Variants in WDR70 observed in about 807,000 individuals in gnomAD.
WDR70 encodes WD repeat-containing protein 70.
A neutral mutation model predicts 88.6 loss-of-function variants in WDR70; 53 were observed. The observed-to-expected ratio is 0.60, with a 90% CI of 0.48 to 0.75. The LOEUF (loss-of-function observed/expected upper bound fraction) is 0.75, where lower values mean the gene tolerates loss of function less well. Ranked by LOEUF, WDR70 falls within the 30% of genes least tolerant of loss-of-function variation. The probability of loss-of-function intolerance (pLI) is 0.00; values close to 1 mark genes in which losing one functional copy is unlikely to be tolerated. For synonymous variants in WDR70, 280 were observed against 270.0 expected (o/e 1.04, Z -0.36); for missense variants, 610 against 823.2 (o/e 0.74, Z 3.17).
chr5:37,601,443 C>T (rs1208364452), intron 9 of WDR70, among the ~76,000 whole-genome samples: 3 of 152,100 alleles, frequency 2.0e-5, no homozygotes, highest in Non-Finnish European at 4.4e-5. Flanking sequence ...TGTGATGATT[C>T]TTGCATCTAT....
At chr5:37,588,050 A>C (rs571863697) in intron 9 of WDR70, among the ~76,000 whole-genome samples, 24 of 152,336 alleles carry the variant, frequency 1.6e-4, no homozygotes, top group African/African-American at 5.8e-4. Flanking sequence ...TGACTTAACC[A>C]AAGTTAATTG....
At chr5:37,650,236 A>G (rs1215451001) in intron 10 of WDR70, among the ~76,000 whole-genome samples, 1 of 151,210 alleles carries the variant, frequency 6.6e-6, no homozygotes, top group Non-Finnish European at 1.5e-5. Context: ...TCTCTACTAA[A>G]AATACAAAAA....
At chr5:37,443,945 T>C (rs1399485995) in intron 7 of WDR70, among the ~76,000 whole-genome samples, 4 of 151,932 alleles carry the variant, frequency 2.6e-5, no homozygotes, top group Non-Finnish European at 5.9e-5. Context: ...GGTCAGGAGT[T>C]CGAGACCAGC....
intron 8 of WDR70, among the ~76,000 whole-genome samples, chr5:37,499,188 A>G (rs998454982): frequency 6.0e-5 from 9 of 150,868 alleles, no homozygotes; most frequent in Non-Finnish European, 1.0e-4. Flanking sequence ...GTCTCGGCTC[A>G]CTGCAACCTC....
intron 8 of WDR70, among the ~76,000 whole-genome samples, chr5:37,511,604 A>G (rs746314157): frequency 3.9e-5 from 6 of 152,190 alleles, no homozygotes; most frequent in African/African-American, 1.4e-4. Context: ...TATTACTTCT[A>G]GACATTCTTA....
chr5:37,398,581 C>T (rs1456264601), intron 5 of WDR70, among the ~76,000 whole-genome samples: 1 of 152,124 alleles, frequency 6.6e-6, no homozygotes, highest in Admixed American at 6.5e-5. Context: ...TTGCGTCTGT[C>T]TGTAGTTGAT....
intron 10 of WDR70, among the ~76,000 whole-genome samples, chr5:37,621,407 A>G (rs1479441435): frequency 6.6e-6 from 1 of 152,138 alleles, no homozygotes; most frequent in Non-Finnish European, 1.5e-5. Flanking sequence ...CCAATTCTCT[A>G]GTTTCAAAAG....
In WDR70 at chr5:37,681,143, T is replaced by G. The variant is rs942360001; in HGVS notation, c.1093-16512T>G. Among the ~76,000 whole-genome samples the G allele has an allele frequency of 1.8e-4, 27 of 152,142 alleles. 1 individual carries two copies. The highest frequency in any genetic ancestry group is 1.6e-3 in the Admixed American group (25 of 15,278). ...CAGTTTTTTTTTGTAGTTTTCATTGTAGAGATCTTTCACCTCACTGGTTAG... is the reference window on the plus strand; with the variant it reads ...CAGTTTTTTTTTGTAGTTTTCATTGGAGAGATCTTTCACCTCACTGGTTAG... On this transcript the variant is annotated intron_variant, in intron 10 of 17. Coordinates refer to ENST00000265107, the MANE Select transcript of WDR70 (RefSeq NM_018034.4).
chr5:37,608,038 CTTTTTTTTTTT>C (rs11295618), intron 10 of WDR70, among the ~76,000 whole-genome samples: 3 of 100,622 alleles, frequency 3.0e-5, no homozygotes, highest in Non-Finnish European at 6.0e-5. Context: ...CTGCAACACT[CTTTTTTTTTTT>C]TTTTTTTTTT....
intron 17 of WDR70, among the ~76,000 whole-genome samples, chr5:37,746,946 C>G (rs1279303815): frequency 3.4e-4 from 52 of 152,088 alleles, no homozygotes; most frequent in Admixed American, 3.4e-3. Flanking sequence ...GATACCAAAA[C>G]CAGGAAGAGA....
chr5:37,516,676 TG>T, intron 9 of WDR70, 86 bp downstream of exon 9: 1 of 670,382 alleles, frequency 1.5e-6, no homozygotes, highest in African/African-American at 1.8e-5. Flanking sequence ...TTGGCAGTAA[TG>T]TAGTAAGTGG....
chr5:37,658,523 C>G (rs749913785), intron 10 of WDR70, among the ~76,000 whole-genome samples: 1 of 152,044 alleles, frequency 6.6e-6, no homozygotes, highest in Non-Finnish European at 1.5e-5. Context: ...TGGCAACCTT[C>G]TAGTTATCTT....
chr5:37,461,123 AAAT>A (rs1412702794), intron 7 of WDR70, among the ~76,000 whole-genome samples: 4,333 of 144,314 alleles, frequency 0.03, 180 homozygotes, highest in African/African-American at 0.11. Flanking sequence ...AAAAAAAAAA[AAAT>A]AAAGGGTTGT....
At chr5:37,487,628 T>TATATATA (rs1491104958) in intron 8 of WDR70, among the ~76,000 whole-genome samples, 6 of 5,012 alleles carry the variant, frequency 1.2e-3, no homozygotes, top group African/African-American at 2.3e-3. Context: ...TATATATGTA[T>TATATATA]TTTTTTTTTT....
At chr5:37,683,316 C>T (rs1746494851) in intron 10 of WDR70, among the ~76,000 whole-genome samples, 1 of 152,084 alleles carries the variant, frequency 6.6e-6, no homozygotes, top group Non-Finnish European at 1.5e-5. Flanking sequence ...GGCATTTTGC[C>T]TGTTTACATT....
At chr5:37,682,731 T>G (rs1746474407) in intron 10 of WDR70, among the ~76,000 whole-genome samples, 1 of 152,148 alleles carries the variant, frequency 6.6e-6, no homozygotes, top group Non-Finnish European at 1.5e-5. Context: ...TTGTATGGCT[T>G]TTTGAGTGGT....
chr5:37,407,793 T>C (rs1023661823), intron 5 of WDR70, among the ~76,000 whole-genome samples: 2 of 151,672 alleles, frequency 1.3e-5, no homozygotes, highest in African/African-American at 4.8e-5. Context: ...CCTCCCCAAG[T>C]GCTAAGATTA....
At chr5:37,734,980 A>G (rs1748259067) in intron 17 of WDR70, among the ~76,000 whole-genome samples, 1 of 152,072 alleles carries the variant, frequency 6.6e-6, no homozygotes, top group South Asian at 2.1e-4. Context: ...TTTCTTTTCT[A>G]TATGTACCCT....
intron 5 of WDR70, among the ~76,000 whole-genome samples, chr5:37,409,148 A>G (rs997611481): frequency 6.6e-6 from 1 of 152,092 alleles, no homozygotes; most frequent in African/African-American, 2.4e-5. Flanking sequence ...CATGTTGGTC[A>G]GGCTGGTCTC....
Sources: allele counts gnomAD v4.1 joint callset (sites outside exome capture counted in the v4.1 genomes callset), GRCh38; gene constraint gnomAD v4.1.1; transcripts MANE v1.5; gene names NCBI Gene and HGNC (gene_info 2026-07-23, HGNC 2026-07-21).